Variants in TMEM43 observed in about 807,000 individuals in gnomAD.
The protein encoded by TMEM43 is transmembrane protein 43, also known as arrhythmogenic right ventricular dysplasia 5.
In TMEM43, 45 loss-of-function variants were observed where a neutral mutation model predicts 49.6. The observed-to-expected ratio is 0.91, with a 90% CI of 0.71 to 1.16. The LOEUF (loss-of-function observed/expected upper bound fraction) is 1.16. Among genes scored for constraint, TMEM43 ranks in the 50% most tolerant of loss-of-function variants. The probability of loss-of-function intolerance (pLI) is 0.00; values close to 1 mark genes in which losing one functional copy is unlikely to be tolerated. For synonymous variants in TMEM43, 199 were observed against 207.8 expected (o/e 0.96, Z 0.36); for missense variants, 532 against 516.6 (o/e 1.03, Z -0.29).
At chr3:14,125,307 C>G (rs1041785368) in intron 1 of TMEM43, 102 bp downstream of exon 1, 119 of 1,431,944 alleles carry the variant, frequency 8.3e-5, no homozygotes, top group Middle Eastern at 2.3e-4. Flanking sequence ...GGAGCTCCTC[C>G]GTGCGGCTAG....
rs1048911431 is a variant in TMEM43 at position 14,141,813 on chromosome 3, C to T, written c.*18C>T. 1 of 1,608,960 alleles carries T rather than the reference C, an allele frequency of 6.2e-7. No homozygotes were observed. Among genetic ancestry groups the T allele is most frequent in the Admixed American group, 1.7e-5 (1 of 59,810 alleles). On this transcript the variant is annotated 3_prime_UTR_variant, in exon 12 of 12. Transcript: ENST00000306077. ...TGGAGTGAAAAGACCCTGGCACCCG[C>T]CCGACACCTGCGTGAGCCCTAGGAT...
Position 14,141,667 on chromosome 3 carries a change from C to T in TMEM43, c.1075C>T (p.Leu359=), listed in dbSNP as rs767824014. Residue 359 remains leucine, a synonymous_variant, in exon 12 of 12, where the codon CTG becomes TTG. Coordinates refer to ENST00000306077, the MANE Select transcript of TMEM43 (RefSeq NM_024334.3). ...KAFAFCVATS[L]TLLTVAAGWL... ...CTTTGCCTTCTGTGTGGCCACCTCG[C>T]TGACCCTGCTGACCGTGGCGGCTGG... 2.5e-6 allele frequency: 4 copies of T among 1,614,228 alleles called. No individual in the cohort carries two copies. The Admixed American group carries it at 5.0e-5, about 20-fold the overall frequency.
rs1695084121 is a variant in TMEM43, at chr3:14,130,837, A to T, written c.178A>T (p.Thr60Ser). ...TTGCTCCCAGGGCCGCGCATTGAAG[A>T]CGGCAACCTCATTGGCTGAGGGGCT... Reference protein sequence around the residue: ...IFTNEGRALKTATSLAEGLSL... With the variant: ...IFTNEGRALKSATSLAEGLSL... The change falls in exon 3 of 12, where the codon ACG (threonine) becomes TCG (serine). Residue 60 changes from threonine to serine, a missense_variant. Physicochemically the swap from Thr to Ser is moderately conservative, Grantham distance 58 (BLOSUM62 1). Transcript: ENST00000306077. 1 of 1,613,672 alleles carries T rather than the reference A, an allele frequency of 6.2e-7. No homozygotes were observed. Among genetic ancestry groups the T allele is most frequent in the Admixed American group, 1.7e-5 (1 of 59,940 alleles).
rs761083427 is a variant in TMEM43, at chr3:14,135,851, C to T, written c.825C>T (p.Phe275=). 4.3e-6 allele frequency: 7 copies of T among 1,614,018 alleles called. No homozygotes were observed. Among genetic ancestry groups the T allele is most frequent in the South Asian group, 2.2e-5 (2 of 91,084 alleles). The part of the protein sequence containing the change: ...ARQRGDQLVP[F]STKSGDTLLL... The stretch of plus-strand genomic sequence containing the variant: ...AGCGGGGTGACCAGCTAGTCCCATT[C>T]TCCACCAAGTCTGGGGATACCTTAC... Residue 275 remains phenylalanine (F), a synonymous_variant, in exon 10 of 12, where the codon TTC becomes TTT. Coordinates refer to ENST00000306077, the MANE Select transcript of TMEM43 (RefSeq NM_024334.3).
Position 14,133,740 on chromosome 3 carries a change from G to C in TMEM43, c.514G>C (p.Ala172Pro). The C allele has an allele frequency of 6.2e-7, 1 of 1,614,158 alleles. No homozygotes were observed. The highest frequency in any genetic ancestry group is 1.1e-5 in the South Asian group (1 of 91,090). ...CTGACAGCTTCCTCTCTCCCACAGT[G>C]CCATGGCAGTGGAGTCATTCATGGC... ...DREIGHKNPS[A>P]MAVESFMATA... Residue 172 changes from alanine (A) to proline (P), a missense_variant and splice_region_variant, in exon 7 of 12, where the codon GCC becomes CCC. Coordinates refer to ENST00000306077, the MANE Select transcript of TMEM43 (RefSeq NM_024334.3).
At chr3:14,132,156 A>G (rs1446477845) in intron 4 of TMEM43, among the ~76,000 whole-genome samples, 1 of 152,146 alleles carries the variant, frequency 6.6e-6, no homozygotes, top group Non-Finnish European at 1.5e-5. Flanking sequence ...CCTGAATCAT[A>G]TGGACTGTGA....
Position 14,139,261 on chromosome 3 carries a change from G to C in TMEM43, c.964G>C (p.Gly322Arg), listed in dbSNP as rs1231932407. The change falls in exon 11 of 12, where the codon GGC becomes CGC. Residue 322 changes from glycine (G) to arginine (R), a missense_variant. Transcript: ENST00000306077. Reference protein sequence around the residue: ...RAAGWMAMFMGLNLMTRILYT... With the variant: ...RAAGWMAMFMRLNLMTRILYT... ...AGCTGGCTGGATGGCCATGTTCATG[G>C]GCCTCAACCTTATGACACGGATCCT... 1 of 1,614,004 alleles carries C rather than the reference G, an allele frequency of 6.2e-7. No homozygotes were observed. Among genetic ancestry groups the C allele is most frequent in the African/African-American group, 1.3e-5 (1 of 74,902 alleles).
chr3:14,140,974 C>G (rs200062305), intron 11 of TMEM43, among the ~76,000 whole-genome samples: 1 of 152,198 alleles, frequency 6.6e-6, no homozygotes, highest in South Asian at 2.1e-4. Context: ...GAATGCCAAC[C>G]TGGAGAGGTC....
chr3:14,127,121 T>A (rs1327264022), intron 1 of TMEM43, among the ~76,000 whole-genome samples: 2 of 152,144 alleles, frequency 1.3e-5, no homozygotes, highest in Non-Finnish European at 1.5e-5. Flanking sequence ...GGGATGTCCG[T>A]CTGTGTGTGC....
chr3:14,135,804 C>T lies in TMEM43; in HGVS notation c.781-3C>T, dbSNP rs780142044. On this transcript the variant is annotated splice_region_variant and splice_polypyrimidine_tract_variant and intron_variant, in intron 9 of 11. Transcript: ENST00000306077. ...CAGCTCTAACACCAGGTCCTCTGAC[C>T]AGGTCACTGTGATTGCCCGGCAGCG... is the stretch of plus-strand genomic sequence containing the variant. 5 of 1,612,604 alleles carry T rather than the reference C, an allele frequency of 3.1e-6. No homozygotes were observed. In the African/African-American group the frequency reaches 4.0e-5, roughly 13 times the overall value.
At chr3:14,129,307 TAAAAAAAAA>T (rs10648308) in intron 1 of TMEM43, 96 bp from the exon 2 acceptor site, 15 of 380,668 alleles carry the variant, frequency 3.9e-5, no homozygotes, top group South Asian at 2.9e-4. Flanking sequence ...CAGTTAAAAC[TAAAAAAAAA>T]AAAAAAAAAA....
intron 11 of TMEM43, among the ~76,000 whole-genome samples, chr3:14,140,543 T>TA (rs1423624994): frequency 6.6e-6 from 1 of 152,148 alleles, no homozygotes; most frequent in African/African-American, 2.4e-5. Flanking sequence ...AGACAAGACT[T>TA]AGAGCAACAG....
Position 14,142,134 on chromosome 3 carries a change from C to G in TMEM43, c.*339C>G, listed in dbSNP as rs1228425024. On this transcript the variant is annotated 3_prime_UTR_variant, in exon 12 of 12. Coordinates refer to ENST00000306077, the MANE Select transcript of TMEM43 (RefSeq NM_024334.3). ...TGGCAGCTGACAACGCAGACACGCT[C>G]TACGGAGGCCTGCTGATAAAGGGCT... is the stretch of plus-strand genomic sequence containing the variant. 2.7e-6 allele frequency: 1 copy of G among 370,134 alleles called. No individual in the cohort carries two copies. The highest frequency in any genetic ancestry group is 5.1e-6 in the Non-Finnish European group (1 of 195,404). 22.9% of individuals were successfully genotyped at this position (370,134 alleles called of 1,614,324 possible).
chr3:14,134,909 G>C lies in TMEM43; in HGVS notation c.705+18G>C. 1 of 1,614,012 alleles carries C rather than the reference G, an allele frequency of 6.2e-7. No homozygotes were observed. On this transcript the variant is annotated intron_variant, in intron 8 of 11. Coordinates refer to ENST00000306077, the MANE Select transcript of TMEM43 (RefSeq NM_024334.3). ...ATCCAGAGGTGTGCGGAGAGGCCTG[G>C]GCTCTCCAAATAGGAGGGTCAGGGC...
Position 14,129,206 on chromosome 3 carries a change from G to T in TMEM43, c.13-206G>T, listed in dbSNP as rs1167967133. 1.0e-5 allele frequency: 5 copies of T among 485,938 alleles called. No homozygotes were observed. In the Admixed American group the frequency reaches 1.4e-4, roughly 14 times the overall value. The allele number at this position is 485,938 out of a possible 1,614,324, so 30.1% of individuals were successfully genotyped here. On this transcript the variant is annotated intron_variant, in intron 1 of 11. Coordinates refer to ENST00000306077, the MANE Select transcript of TMEM43 (RefSeq NM_024334.3). ...CTTTTTGGGGTGATGGAAATATTTT[G>T]TACCTTGCTTTAGATGTTGGTCAGA...
chr3:14,129,984 CTTCCTTTCTTTCTT>C (rs537803369), intron 2 of TMEM43, among the ~76,000 whole-genome samples: 166 of 152,182 alleles, frequency 1.1e-3, no homozygotes, highest in African/African-American at 3.9e-3. Flanking sequence ...ATCTGTTTCT[CTTCCTTTCTTTCTT>C]TTCCTTTCTT....
In TMEM43 at chr3:14,143,064, CT is replaced by C. The variant is rs988464005; in HGVS notation, c.*1272del. 2.8e-4 allele frequency: 42 copies of C among 152,318 alleles called. No homozygotes were observed. Among genetic ancestry groups the C allele is most frequent in the African/African-American group, 9.9e-4 (41 of 41,552 alleles). 9.4% of individuals were successfully genotyped at this position (152,318 alleles called of 1,614,324 possible). On this transcript the variant is annotated 3_prime_UTR_variant, in exon 12 of 12. Transcript: ENST00000306077. ...GTTCTTTCACGTGTTGTGTCCATAG[CT>C]TTAGTCTTCCTAAATAAGATCCACC... is the stretch of plus-strand genomic sequence containing the variant.
intron 1 of TMEM43, among the ~76,000 whole-genome samples, chr3:14,127,728 A>G (rs191450930): frequency 2.6e-5 from 4 of 152,282 alleles, no homozygotes; most frequent in Non-Finnish European, 4.4e-5. Flanking sequence ...TCACTCACCT[A>G]ATGTTTCCAA....
rs757651177 is a variant in TMEM43, at chr3:14,129,482, G to A, written c.83G>A (p.Arg28Gln). ...KTSSQPGFLERLSETSGGMFV... is the reference protein window; with the variant it reads ...KTSSQPGFLEQLSETSGGMFV... ...AGCTCCCAGCCAGGCTTCCTGGAAC[G>A]GCTGAGCGAGACCTCGGGTGGGATG... The change falls in exon 2 of 12, where the codon CGG (arginine) becomes CAG (glutamine). Residue 28 changes from arginine to glutamine, a missense_variant. Physicochemically the swap from Arg to Gln is conservative, Grantham distance 43 (BLOSUM62 1). Transcript: ENST00000306077. 1.9e-5 allele frequency: 30 copies of A among 1,613,944 alleles called. 1 individual carries two copies. The highest frequency in any genetic ancestry group is 6.7e-5 in the East Asian group (3 of 44,882).
Sources: gnomAD v4.1 joint callset for allele counts (sites outside exome capture counted in the v4.1 genomes callset) on GRCh38, gnomAD v4.1.1 for gene constraint, MANE v1.5 for transcripts, NCBI Gene and HGNC (gene_info 2026-07-23, HGNC 2026-07-21) for gene names.